Variants in CDKL1 observed in about 807,000 individuals in gnomAD.
The protein encoded by CDKL1 is cyclin dependent kinase like 1.
Under a neutral mutation model 42.0 loss-of-function variants are expected in CDKL1, and 41 were observed. That is an observed-to-expected ratio of 0.98 (90% confidence interval 0.76 to 1.27). The LOEUF (loss-of-function observed/expected upper bound fraction) is 1.27, where lower values mean the gene tolerates loss of function less well. CDKL1 is among the 50% of genes most tolerant of loss of function. The pLI is 0.00. For synonymous variants in CDKL1, 153 were observed against 158.6 expected, an observed-to-expected ratio of 0.96 and a Z score of 0.26; for missense variants, 394 against 428.4, an observed-to-expected ratio of 0.92 and a Z score of 0.71.
intron 2 of CDKL1, chr14:50,363,035 CCACTGGGAGGAAAGAACAACTCCAAACA>C (rs1566594207): frequency 2.3e-6 from 1 of 439,530 alleles, no homozygotes; most frequent in East Asian, 7.3e-5. Flanking sequence ...GACCACGAAC[CCACTGGGAGGAAAGAACAACTCCAAACA>C]CACTGCCTTA....
At chr14:50,387,520 T>C (rs1383901452) in intron 2 of CDKL1, among the ~76,000 whole-genome samples, 1 of 109,134 alleles carries the variant, frequency 9.2e-6, no homozygotes, top group East Asian at 4.5e-4. Context: ...CAAGACTCCA[T>C]CTCAAAAAAA....
chr14:50,342,757 C>T (rs957508082), intron 4 of CDKL1: 3 of 644,562 alleles, frequency 4.7e-6, no homozygotes, highest in Non-Finnish European at 4.3e-6. Flanking sequence ...GTGAACAGAA[C>T]ACAGTCAGCC....
chr14:50,335,764 TCAAA>T (rs1160756745), intron 7 of CDKL1: 41 of 985,204 alleles, frequency 4.2e-5, no homozygotes, highest in Non-Finnish European at 4.7e-5. Flanking sequence ...GCTCATCTAA[TCAAA>T]CAGTCCTGGT....
At chr14:50,396,763 T>C (rs1280539403) in intron 1 of CDKL1, 61 bp downstream of exon 1, 5 of 157,792 alleles carry the variant, frequency 3.2e-5, no homozygotes, top group Non-Finnish European at 6.9e-5. Flanking sequence ...CCGCGCAGCA[T>C]GGAGCGGTGC....
upstream of CDKL1, chr14:50,397,230 GT>G (rs748181034): frequency 7.3e-7 from 1 of 1,366,496 alleles, no homozygotes; most frequent in African/African-American, 1.5e-5. Context: ...CAGAACCGCG[GT>G]TATTCCCTTT....
chr14:50,389,239 T>C (rs2035181217), intron 2 of CDKL1, among the ~76,000 whole-genome samples: 1 of 151,986 alleles, frequency 6.6e-6, no homozygotes, highest in Non-Finnish European at 1.5e-5. Context: ...GCTCTGGACA[T>C]TCTGCAGGTT....
In CDKL1 at chr14:50,335,029, G is replaced by A; in HGVS notation, c.739-408C>T. ...ATAAAAAGGTAGCTGGCTGGGTGCGGTGGCTCATGCCTATAATCCACTCAG... is the reference window on the plus strand; with the variant it reads ...ATAAAAAGGTAGCTGGCTGGGTGCGATGGCTCATGCCTATAATCCACTCAG... On this transcript the variant is annotated intron_variant, in intron 7 of 9. Transcript: ENST00000395834. 1.5e-5 allele frequency: 3 copies of A among 198,860 alleles called. No individual in the cohort carries two copies. The South Asian group carries it at 3.0e-4, about 20-fold the overall frequency. The allele number at this position is 198,860 out of a possible 1,614,324, so 12.3% of individuals were successfully genotyped here.
chr14:50,389,035 G>A (rs2035169911), intron 2 of CDKL1, among the ~76,000 whole-genome samples: 1 of 148,548 alleles, frequency 6.7e-6, no homozygotes, highest in Non-Finnish European at 1.5e-5. Context: ...GGAGGCAGAG[G>A]TTGCAGTGAG....
At position 50,370,090 on chromosome 14, in the gene CDKL1, A is replaced by G. The variant is rs181492609; in HGVS notation, c.169-10941T>C. 5.0e-3 allele frequency among the ~76,000 whole-genome samples: 751 copies of G among 148,850 alleles called. 8 individuals carry two copies. Among genetic ancestry groups the G allele is most frequent in the African/African-American group, 0.018 (707 of 40,362 alleles). ...AGCAATTTTTTTTTTTTTCTTTGAG[A>G]CAGAGTCTTGCTCTGTCACCCAGGC... On this transcript the variant is annotated intron_variant, in intron 2 of 9. Transcript: ENST00000395834.
chr14:50,359,010 A>T lies in CDKL1; in HGVS notation c.290+18T>A. ...CCCAGTGTGTCTTTGTTTTGCTTGTAAGGGATGGATCACTCACCCTCTTTG... is the reference window on the plus strand; with the variant it reads ...CCCAGTGTGTCTTTGTTTTGCTTGTTAGGGATGGATCACTCACCCTCTTTG... On this transcript the variant is annotated intron_variant, in intron 3 of 9. Transcript: ENST00000395834. The T allele has an allele frequency of 6.2e-7, 1 of 1,601,870 alleles. No homozygotes were observed. The highest frequency in any genetic ancestry group is 8.5e-7 in the Non-Finnish European group (1 of 1,172,540).
Position 50,328,866 on chromosome 14 carries a change from C to A in CDKL1, c.*1208G>T, listed in dbSNP as rs1424544095. 6.6e-6 allele frequency: 1 copy of A among 151,290 alleles called. No individual in the cohort carries two copies. Among genetic ancestry groups the A allele is most frequent in the Non-Finnish European group, 1.5e-5 (1 of 67,910 alleles). The allele number at this position is 151,290 out of a possible 1,614,324, so 9.4% of individuals were successfully genotyped here. A position where few individuals can be genotyped will look rare whatever the true frequency, so the allele number is the denominator to read the frequency against. On this transcript the variant is annotated 3_prime_UTR_variant, in exon 10 of 10. Coordinates refer to ENST00000395834, the MANE Select transcript of CDKL1 (RefSeq NM_004196.7). ...AAATTAGCCAGTATAGTGGCACATG[C>A]CTGCAGTCCCAGCTACTTGGGAGGC...
intron 2 of CDKL1, among the ~76,000 whole-genome samples, chr14:50,371,966 C>A (rs1303955782): frequency 2.0e-5 from 3 of 152,248 alleles, no homozygotes; most frequent in Non-Finnish European, 4.4e-5. Context: ...GACACGCCAG[C>A]CCCCTGCTGC....
rs1056789840 is a variant in CDKL1, at chr14:50,327,592, G to A, written c.*2482C>T. 1 of 151,062 alleles carries A rather than the reference G, an allele frequency of 6.6e-6. No individual in the cohort carries two copies. The highest frequency in any genetic ancestry group is 2.4e-5 in the African/African-American group (1 of 41,074). 9.4% of individuals were successfully genotyped at this position (151,062 alleles called of 1,614,324 possible). The stretch of plus-strand genomic sequence containing the variant: ...GCAGTTCTCTGTCGCAGCGTCCCAG[G>A]TAGCTGGGATTACAGGCGCCCACCA... On this transcript the variant is annotated 3_prime_UTR_variant, in exon 10 of 10. Coordinates refer to ENST00000395834, the MANE Select transcript of CDKL1 (RefSeq NM_004196.7).
At chr14:50,332,063 G>C in intron 9 of CDKL1, 199 bp downstream of exon 9, 1 of 1,547,468 alleles carries the variant, frequency 6.5e-7, no homozygotes, top group Middle Eastern at 1.7e-4. Context: ...GAAGCAGCAG[G>C]ACAAGGGCAC....
intron 2 of CDKL1, chr14:50,380,374 G>C (rs1183264383): frequency 2.6e-6 from 1 of 387,312 alleles, no homozygotes; most frequent in African/African-American, 2.1e-5. Context: ...AATTGCAGCA[G>C]CTGGGCCAGA....
chr14:50,351,787 T>C lies in CDKL1; in HGVS notation c.291-6729A>G, dbSNP rs191325319. ...GGGAATTAGCAACAAGATTAAAGAA[T>C]GTCAAGCAAATTTTAAAACAAGGCA... On this transcript the variant is annotated intron_variant, in intron 3 of 9. Coordinates refer to ENST00000395834, the MANE Select transcript of CDKL1 (RefSeq NM_004196.7). Among the ~76,000 whole-genome samples the C allele has an allele frequency of 2.0e-5, 3 of 147,714 alleles. No individual in the cohort carries two copies. In the East Asian group the frequency reaches 5.9e-4, roughly 29 times the overall value.
rs1360966383 is a variant in CDKL1, at chr14:50,327,393, A to C, written c.*2681T>G. On this transcript the variant is annotated 3_prime_UTR_variant, in exon 10 of 10. Transcript: ENST00000395834. ...CAGGTCTTCATTGTTACCTGTGAGA[A>C]ATGGCCCTGATTCTATTACTCTTAT... The C allele has an allele frequency of 6.6e-6, 1 of 151,482 alleles. No homozygotes were observed. Among genetic ancestry groups the C allele is most frequent in the Admixed American group, 6.6e-5 (1 of 15,214 alleles). 9.4% of individuals were successfully genotyped at this position (151,482 alleles called of 1,614,324 possible).
chr14:50,358,772 T>A (rs908897823), intron 3 of CDKL1, among the ~76,000 whole-genome samples: 4 of 150,618 alleles, frequency 2.7e-5, no homozygotes, highest in African/African-American at 9.8e-5. Flanking sequence ...CCCGACTGGC[T>A]GAGATTACAG....
intron 2 of CDKL1, among the ~76,000 whole-genome samples, chr14:50,372,165 G>A (rs1381610735): frequency 6.6e-6 from 1 of 152,256 alleles, no homozygotes; most frequent in East Asian, 1.9e-4. Context: ...TCAGGCTGGA[G>A]TGCAGTGGAG....
Sources: gnomAD v4.1 joint callset for allele counts (sites outside exome capture counted in the v4.1 genomes callset) on GRCh38, gnomAD v4.1.1 for gene constraint, MANE v1.5 for transcripts, NCBI Gene and HGNC (gene_info 2026-07-23, HGNC 2026-07-21) for gene names.